Variants in MYO16 observed in about 807,000 individuals in gnomAD.
MYO16 encodes unconventional myosin-XVI.
Under a neutral mutation model 205.3 loss-of-function variants are expected in MYO16, and 94 were observed. The observed-to-expected ratio is 0.46, with a 90% CI of 0.39 to 0.54. The LOEUF (loss-of-function observed/expected upper bound fraction) is 0.54, where lower values mean the gene tolerates loss of function less well. Ranked by LOEUF, MYO16 falls within the 20% of genes least tolerant of loss-of-function variation. The pLI is 0.00. For synonymous variants in MYO16, 988 were observed against 954.0 expected (o/e 1.04, Z -0.66); for missense variants, 2,315 against 2,387.5 (o/e 0.97, Z 0.63).
the MYO16 span, among the ~76,000 whole-genome samples, chr13:108,560,769 T>A: frequency 1.3e-5 from 2 of 152,216 alleles, no homozygotes; most frequent in African/African-American, 4.8e-5. Flanking sequence ...ATTTATAAAT[T>A]ACATTTTGCA....
chr13:108,772,481 C>T (rs1321981192), intron 4 of MYO16, among the ~76,000 whole-genome samples: 1 of 152,068 alleles, frequency 6.6e-6, no homozygotes, highest in Non-Finnish European at 1.5e-5. Flanking sequence ...GCATTTGGTG[C>T]ATCAGTGTTC....
intron 4 of MYO16, among the ~76,000 whole-genome samples, chr13:108,754,068 A>AGCATGCAGAACAAGCTG (rs1566588046): frequency 2.0e-5 from 3 of 152,084 alleles, no homozygotes; most frequent in African/African-American, 7.2e-5. Context: ...GCACTCAGCT[A>AGCATGCAGAACAAGCTG]TAGCATGCAG....
intron 12 of MYO16, among the ~76,000 whole-genome samples, 178 bp from the exon 13 acceptor site, chr13:108,882,881 A>C (rs1471312168): frequency 6.6e-6 from 1 of 152,250 alleles, no homozygotes; most frequent in East Asian, 1.9e-4. Flanking sequence ...GTCATTATGC[A>C]TGCTGAAAAT....
At chr13:108,645,126 G>T (rs759529735) in intron 1 of MYO16, among the ~76,000 whole-genome samples, 3 of 152,138 alleles carry the variant, frequency 2.0e-5, no homozygotes, top group Non-Finnish European at 4.4e-5. Context: ...CATGATGAGG[G>T]CTTACTTTGG....
chr13:108,664,945 C>CACAAT (rs1209300772), intron 1 of MYO16, among the ~76,000 whole-genome samples: 2 of 152,166 alleles, frequency 1.3e-5, no homozygotes, highest in Non-Finnish European at 2.9e-5. Context: ...AAATTCTCTC[C>CACAAT]ACAATTTTGA....
intron 3 of MYO16, among the ~76,000 whole-genome samples, chr13:108,723,932 T>C (rs367558938): frequency 1.3e-5 from 2 of 152,290 alleles, no homozygotes; most frequent in East Asian, 3.9e-4. Context: ...TTCTTAACAA[T>C]ATTGCATCTT....
chr13:108,993,507 T>C (rs1253263201), intron 21 of MYO16, among the ~76,000 whole-genome samples: 1 of 152,180 alleles, frequency 6.6e-6, no homozygotes, highest in African/African-American at 2.4e-5. Context: ...AAGCTCTGCA[T>C]CATCCTGTGT....
intron 27 of MYO16, among the ~76,000 whole-genome samples, chr13:109,072,334 A>G (rs1887949003): frequency 6.6e-6 from 1 of 152,164 alleles, no homozygotes; most frequent in Non-Finnish European, 1.5e-5. Context: ...TGCTCTTCCC[A>G]CTATCCCATA....
At chr13:108,507,777 A>G in the MYO16 span, among the ~76,000 whole-genome samples, 1 of 152,090 alleles carries the variant, frequency 6.6e-6, no homozygotes, top group Non-Finnish European at 1.5e-5. Flanking sequence ...GTGATGTCTC[A>G]TAAGTATCTT....
chr13:109,025,496 C>G (rs1196082417), intron 23 of MYO16, among the ~76,000 whole-genome samples: 1 of 152,122 alleles, frequency 6.6e-6, no homozygotes, highest in Non-Finnish European at 1.5e-5. Flanking sequence ...TTAACACAGT[C>G]TCATTAATGA....
intron 28 of MYO16, among the ~76,000 whole-genome samples, chr13:109,104,719 G>A (rs1223726730): frequency 2.6e-5 from 4 of 152,140 alleles, no homozygotes; most frequent in African/African-American, 9.7e-5. Context: ...AAGGAGCATC[G>A]CTGCACCTTC....
rs368588961 is a variant in MYO16, at chr13:108,681,300, C to G, written c.292+15151C>G. 2.0e-3 allele frequency among the ~76,000 whole-genome samples: 300 copies of G among 152,368 alleles called. 8 individuals are homozygous for G. In the South Asian group the frequency reaches 0.061, roughly 31 times the overall value. ...TTTCACGTCTCCCTTCCAGACTCCACTAAGGAGTTTCAGTAAAAGGCTTTG... is the reference window on the plus strand; with the variant it reads ...TTTCACGTCTCCCTTCCAGACTCCAGTAAGGAGTTTCAGTAAAAGGCTTTG... On this transcript the variant is annotated intron_variant, in intron 2 of 34. Coordinates refer to ENST00000457511, the MANE Select transcript of MYO16 (RefSeq NM_001198950.3).
rs71125326 is a variant in MYO16 at position 108,636,346 on chromosome 13, CTTTTTTTTTTTT to C, written c.28+6487_28+6498del. Among the ~76,000 whole-genome samples, 156 of 81,302 alleles carry C rather than the reference CTTTTTTTTTTTT, an allele frequency of 1.9e-3. 2 individuals carry two copies. The highest frequency in any genetic ancestry group is 5.3e-3 in the African/African-American group (122 of 23,200). The allele number at this position is 81,302 out of a possible 152,430, so 53.3% of individuals were successfully genotyped here. A position where few individuals can be genotyped will look rare whatever the true frequency, so the allele number is the denominator to read the frequency against. On this transcript the variant is annotated intron_variant, in intron 1 of 34. Transcript: ENST00000457511. ...TAGTCTTAAATGAAAAAATATTTCCCTTTTTTTTTTTTTTTTTTTTTTTTGTGTGTGTGTGTG... is the reference window on the plus strand; with the variant it reads ...TAGTCTTAAATGAAAAAATATTTCCCTTTTTTTTTTTTGTGTGTGTGTGTG...
chr13:108,988,622 A>G (rs1391380051), intron 20 of MYO16, among the ~76,000 whole-genome samples: 2 of 152,146 alleles, frequency 1.3e-5, no homozygotes, highest in African/African-American at 4.8e-5. Flanking sequence ...ACAGTGGCCA[A>G]ATAATCTCTT....
chr13:109,101,386 T>C (rs919496423), intron 28 of MYO16: 4 of 153,420 alleles, frequency 2.6e-5, no homozygotes, highest in Non-Finnish European at 5.8e-5. Flanking sequence ...GTCACCATCC[T>C]TTGAAGCCCA....
intron 16 of MYO16, among the ~76,000 whole-genome samples, chr13:108,955,994 C>T (rs1208592786): frequency 1.3e-5 from 2 of 152,218 alleles, no homozygotes; most frequent in African/African-American, 2.4e-5. Flanking sequence ...AGCTCACCCA[C>T]TCCCATGGTT....
intron 1 of MYO16, among the ~76,000 whole-genome samples, chr13:108,637,380 G>C (rs1880303457): frequency 6.6e-6 from 1 of 152,162 alleles, no homozygotes; most frequent in Non-Finnish European, 1.5e-5. Context: ...TGCTTTCAAT[G>C]GTTGGCCCAG....
intron 16 of MYO16, among the ~76,000 whole-genome samples, chr13:108,951,350 A>G (rs1883142138): frequency 6.6e-6 from 1 of 152,136 alleles, no homozygotes; most frequent in Non-Finnish European, 1.5e-5. Flanking sequence ...GAAGTTAATC[A>G]ATGGAAAGTG....
the MYO16 span, among the ~76,000 whole-genome samples, chr13:108,532,891 G>A: frequency 6.6e-6 from 1 of 152,226 alleles, no homozygotes; most frequent in South Asian, 2.1e-4. Flanking sequence ...AGAGAAAGAG[G>A]CCCCTACCTT....
Sources: allele counts gnomAD v4.1 joint callset (sites outside exome capture counted in the v4.1 genomes callset), GRCh38; gene constraint gnomAD v4.1.1; transcripts MANE v1.5; gene names NCBI Gene and HGNC (gene_info 2026-07-23, HGNC 2026-07-21).